The following BACE1 variants were observed in gnomAD, a reference collection of about 807,000 sequenced individuals.
BACE1 encodes beta-secretase 1.
In BACE1, 21 loss-of-function variants were observed where a neutral mutation model predicts 54.0. The ratio of observed to expected loss-of-function variants is 0.39; its 90% CI spans 0.28 to 0.56. BACE1 has a LOEUF of 0.56. Among genes scored for constraint, BACE1 ranks in the 20% least tolerant of loss-of-function variants. The probability of loss-of-function intolerance (pLI) is 0.63; values close to 1 mark genes in which losing one functional copy is unlikely to be tolerated. For synonymous variants in BACE1, 232 were observed against 260.9 expected, an observed-to-expected ratio of 0.89 and a Z score of 1.07; for missense variants, 511 against 661.2, an observed-to-expected ratio of 0.77 and a Z score of 2.49.
chr11:117,297,110 G>A (rs980335986), intron 1 of BACE1, 149 bp from the exon 2 acceptor site: 35 of 623,224 alleles, frequency 5.6e-5, no homozygotes, highest in Admixed American at 2.5e-4. Context: ...GCTGGCACCC[G>A]TTACCACCAC....
chr11:117,298,181 A>G (rs1034464390), intron 1 of BACE1, among the ~76,000 whole-genome samples: 1 of 152,162 alleles, frequency 6.6e-6, no homozygotes, highest in Non-Finnish European at 1.5e-5. Context: ...GCACGCCTAT[A>G]ATCCCAGCTA....
intron 6 of BACE1, among the ~76,000 whole-genome samples, chr11:117,291,403 G>C (rs1256635990): frequency 6.6e-6 from 1 of 151,956 alleles, no homozygotes; most frequent in Non-Finnish European, 1.5e-5. Context: ...TCAGCCCCCT[G>C]AGTAGCTAGG....
intron 1 of BACE1, among the ~76,000 whole-genome samples, chr11:117,311,722 C>G (rs2134496223): frequency 6.6e-6 from 1 of 152,310 alleles, no homozygotes; most frequent in East Asian, 1.9e-4. Context: ...CTCACTGCAA[C>G]CTCTGCCTCC....
rs2034291118 is a variant in BACE1, at chr11:117,287,374, T to G, written c.*2192A>C. 6.5e-6 allele frequency: 1 copy of G among 152,680 alleles called. No homozygotes were observed. The highest frequency in any genetic ancestry group is 1.5e-5 in the Non-Finnish European group (1 of 68,042). The allele number at this position is 152,680 out of a possible 1,614,324, so 9.5% of individuals were successfully genotyped here. On this transcript the variant is annotated 3_prime_UTR_variant, in exon 9 of 9. Coordinates refer to ENST00000313005, the MANE Select transcript of BACE1 (RefSeq NM_012104.6). ...TGAGTGGAGAATGGGACAGTCATTT[T>G]TCAGGAGCAGAATTTAAAAATACAG...
chr11:117,295,937 C>G (rs2034587315), intron 2 of BACE1, among the ~76,000 whole-genome samples: 1 of 152,198 alleles, frequency 6.6e-6, no homozygotes, highest in Non-Finnish European at 1.5e-5. Context: ...ACCAGGGCTT[C>G]TGTGTGTGGT....
rs562442754 is a variant in BACE1 at position 117,291,805 on chromosome 11, A to G, written c.849T>C (p.Tyr283=). 3.2e-5 allele frequency: 52 copies of G among 1,610,086 alleles called. No individual in the cohort carries two copies. The South Asian group carries it at 5.6e-4, about 17-fold the overall frequency. ...TGCCACTGTCCACAATGCTCTTGTC[A>G]TAGTTGTACTAAGAGGGAAAAGAGA... The part of the protein sequence containing the change: ...DLKMDCKEYN[Y]DKSIVDSGTT... Residue 283 remains tyrosine, a synonymous_variant, in exon 6 of 9, where the codon TAT becomes TAC. Transcript: ENST00000313005.
intron 1 of BACE1, among the ~76,000 whole-genome samples, chr11:117,299,264 T>G (rs1179687537): frequency 2.6e-5 from 4 of 152,328 alleles, no homozygotes; most frequent in Non-Finnish European, 4.4e-5. Flanking sequence ...TCTCGCCTCT[T>G]GCCGACTTTC....
intron 8 of BACE1, 47 bp downstream of exon 8, chr11:117,290,441 A>T (rs752131557): frequency 6.9e-6 from 11 of 1,593,460 alleles, no homozygotes; most frequent in South Asian, 1.1e-5. Flanking sequence ...TTTGACAAGG[A>T]AAATATGGAG....
chr11:117,291,198 G>T (rs1591853102), intron 6 of BACE1, 149 bp from the exon 7 acceptor site: 1 of 924,080 alleles, frequency 1.1e-6, no homozygotes. Context: ...AGGATTACAG[G>T]AAGAGAGAGG....
chr11:117,306,665 G>T (rs1022324841), intron 1 of BACE1, among the ~76,000 whole-genome samples: 5 of 152,088 alleles, frequency 3.3e-5, no homozygotes, highest in Admixed American at 6.6e-5. Flanking sequence ...ATATAAATTA[G>T]CCGGGTGTGG....
chr11:117,295,722 A>G (rs919606660), intron 2 of BACE1: 4 of 1,464,252 alleles, frequency 2.7e-6, no homozygotes, highest in Non-Finnish European at 3.6e-6. Context: ...AAAAGGAACC[A>G]TTGACTCTCT....
Position 117,293,107 on chromosome 11 carries a change from T to A in BACE1, c.787A>T (p.Ile263Phe). Residue 263 changes from isoleucine (I) to phenylalanine (F), a missense_variant, in exon 5 of 9, where the codon ATC becomes TTC. By Grantham distance (21) the Ile-to-Phe change is conservative. Transcript: ENST00000313005. The surrounding 1 kb of genome is among the most constrained non-coding windows in gnomAD (Gnocchi z 4.1). The part of the protein sequence containing the change: ...PIRREWYYEV[I>F]IVRVEINGQD... ...CCATTGATCTCCACCCGCACAATGATCACCTCATAATACCACTCCCGCCGG... is the reference window on the plus strand; with the variant it reads ...CCATTGATCTCCACCCGCACAATGAACACCTCATAATACCACTCCCGCCGG... 1 of 1,614,100 alleles carries A rather than the reference T, an allele frequency of 6.2e-7. No homozygotes were observed. Among genetic ancestry groups the A allele is most frequent in the Non-Finnish European group, 8.5e-7 (1 of 1,180,012 alleles).
At chr11:117,301,948 A>G (rs989498978) in intron 1 of BACE1, among the ~76,000 whole-genome samples, 3 of 152,164 alleles carry the variant, frequency 2.0e-5, no homozygotes, top group Admixed American at 6.5e-5. Flanking sequence ...GACCTGTCCA[A>G]TCTGTTTTGT....
Position 117,294,025 on chromosome 11 carries a change from C to G in BACE1, c.568-17G>C. 2 of 1,611,398 alleles carry G rather than the reference C, an allele frequency of 1.2e-6. No individual in the cohort carries two copies. The highest frequency in any genetic ancestry group is 1.7e-6 in the Non-Finnish European group (2 of 1,178,680). On this transcript the variant is annotated splice_polypyrimidine_tract_variant and intron_variant, in intron 3 of 8. Coordinates refer to ENST00000313005, the MANE Select transcript of BACE1 (RefSeq NM_012104.6). ...GTCGTCAGGCTTTGGCAGAAAGAGA[C>G]AAGGAGTGAGTCCTCATACGGCCCT...
chr11:117,298,076 TG>T (rs1264601620), intron 1 of BACE1, among the ~76,000 whole-genome samples: 6 of 151,864 alleles, frequency 4.0e-5, no homozygotes, highest in Non-Finnish European at 7.4e-5. Context: ...CTAAGGCGGG[TG>T]GATCACTTGA....
At position 117,288,204 on chromosome 11, in the gene BACE1, C is replaced by T. The variant is rs2034314611; in HGVS notation, c.*1362G>A. The stretch of plus-strand genomic sequence containing the variant: ...GGACATAAGGAAGCCCTGAGGCTGC[C>T]ATCCTTTCTCCAGGCAGCCTTGATA... On this transcript the variant is annotated 3_prime_UTR_variant, in exon 9 of 9. Transcript: ENST00000313005. The T allele has an allele frequency of 6.6e-6, 1 of 152,268 alleles. No homozygotes were observed. The highest frequency in any genetic ancestry group is 6.5e-5 in the Admixed American group (1 of 15,278). The allele number at this position is 152,268 out of a possible 1,614,324, so 9.4% of individuals were successfully genotyped here.
intron 1 of BACE1, among the ~76,000 whole-genome samples, chr11:117,307,350 CGCCCAGGCTGGAGTG>C (rs2034852616): frequency 6.6e-6 from 1 of 152,236 alleles, no homozygotes; most frequent in South Asian, 2.1e-4. Flanking sequence ...TTCCCCCTGT[CGCCCAGGCTGGAGTG>C]CAGTGGCATG....
chr11:117,303,009 C>T (rs2134476908), intron 1 of BACE1, among the ~76,000 whole-genome samples: 1 of 152,242 alleles, frequency 6.6e-6, no homozygotes, highest in South Asian at 2.1e-4. Context: ...ATCACGGTGC[C>T]TAGCAATAAT....
At chr11:117,307,986 C>A (rs2034868413) in intron 1 of BACE1, among the ~76,000 whole-genome samples, 1 of 151,206 alleles carries the variant, frequency 6.6e-6, no homozygotes. Flanking sequence ...AAAATATAAC[C>A]CAGAAGTCCA....
Sources: gnomAD v4.1 joint callset for allele counts (sites outside exome capture counted in the v4.1 genomes callset) on GRCh38, gnomAD v4.1.1 for gene constraint, Gnocchi (gnomAD v3.1) non-coding constraint, MANE v1.5 for transcripts, NCBI Gene and HGNC (gene_info 2026-07-23, HGNC 2026-07-21) for gene names.